The following IMMP1L variants were observed in gnomAD, a reference collection of about 807,000 sequenced individuals.
The protein encoded by IMMP1L is inner mitochondrial membrane peptidase subunit 1.
A neutral mutation model predicts 21.8 loss-of-function variants in IMMP1L; 24 were observed. That is an observed-to-expected ratio of 1.10 (90% CI 0.80 to 1.55). The LOEUF (loss-of-function observed/expected upper bound fraction) is 1.55, where lower values mean the gene tolerates loss of function less well. Ranked by LOEUF, IMMP1L falls within the 40% of genes most tolerant of loss-of-function variation. The pLI is 0.00. For missense variants in IMMP1L, 195 were observed against 200.7 expected (o/e 0.97, Z 0.17); for synonymous variants, 46 against 62.8 (o/e 0.73, Z 1.26).
chr11:31,491,498 G>C (rs771563953), intron 1 of IMMP1L, among the ~76,000 whole-genome samples: 4 of 152,230 alleles, frequency 2.6e-5, no homozygotes, highest in Non-Finnish European at 5.9e-5. Context: ...GTAGAACTTG[G>C]TAAGCAATTA....
At chr11:31,433,866 G>A (rs1174410484) in intron 4 of IMMP1L, 3 of 210,280 alleles carry the variant, frequency 1.4e-5, no homozygotes, top group African/African-American at 2.3e-5. Flanking sequence ...TAGTGTGACA[G>A]GGTCATTAAT....
intron 1 of IMMP1L, among the ~76,000 whole-genome samples, chr11:31,466,667 A>G (rs1038586487): frequency 6.6e-6 from 1 of 152,070 alleles, no homozygotes; most frequent in African/African-American, 2.4e-5. Context: ...CAGGAAGAAA[A>G]ATACCTTATG....
At chr11:31,465,151 T>C (rs1954288332) in intron 1 of IMMP1L, among the ~76,000 whole-genome samples, 1 of 151,980 alleles carries the variant, frequency 6.6e-6, no homozygotes, top group African/African-American at 2.4e-5. Context: ...AGGAATGATC[T>C]AGCTGAGTAA....
chr11:31,456,378 A>C lies in IMMP1L; in HGVS notation c.203T>G (p.Ile68Ser). Residue 68 changes from isoleucine to serine, a missense_variant, in exon 4 of 6, where the codon ATT becomes AGT. Ile to Ser is a moderately radical substitution (Grantham distance 142). Transcript: ENST00000532287. ...RHFYGIQRGD[I>S]VIAKSPSDPK... ...ATCACTTGGGCTTTTTGCAATCACA[A>C]TGTCACCTCTGAGGGGGAAAAGTCA... is the stretch of plus-strand genomic sequence containing the variant. 1 of 1,611,154 alleles carries C rather than the reference A, an allele frequency of 6.2e-7. No individual in the cohort carries two copies. Among genetic ancestry groups the C allele is most frequent in the Admixed American group, 1.7e-5 (1 of 59,944 alleles).
At chr11:31,480,729 G>A (rs1472778599) in intron 1 of IMMP1L, among the ~76,000 whole-genome samples, 1 of 151,592 alleles carries the variant, frequency 6.6e-6, no homozygotes, top group Non-Finnish European at 1.5e-5. Context: ...TCCTTTTCTG[G>A]TTACAAGTAT....
intron 1 of IMMP1L, among the ~76,000 whole-genome samples, chr11:31,501,764 G>A (rs954085520): frequency 2.0e-5 from 3 of 151,354 alleles, no homozygotes; most frequent in African/African-American, 7.3e-5. Flanking sequence ...GCCCAGCCTG[G>A]CCAAAACAGT....
chr11:31,441,993 A>G (rs549388264), intron 4 of IMMP1L, among the ~76,000 whole-genome samples: 4 of 152,344 alleles, frequency 2.6e-5, no homozygotes, highest in South Asian at 4.1e-4. Context: ...GAATGAATGC[A>G]TAAGACTGAA....
At chr11:31,436,457 G>A (rs1015480003) in intron 4 of IMMP1L, among the ~76,000 whole-genome samples, 1 of 152,098 alleles carries the variant, frequency 6.6e-6, no homozygotes, top group Non-Finnish European at 1.5e-5. Context: ...TTTTGAGACG[G>A]AGTCTTGCTC....
chr11:31,445,768 A>G (rs1303506895), intron 4 of IMMP1L, among the ~76,000 whole-genome samples: 2 of 150,696 alleles, frequency 1.3e-5, no homozygotes, highest in East Asian at 3.9e-4. Context: ...TCTATTGCCC[A>G]GGCTGGAGTG....
chr11:31,475,730 A>G lies in IMMP1L; in HGVS notation c.-29-12425T>C, dbSNP rs554257615. 2.6e-5 allele frequency among the ~76,000 whole-genome samples: 4 copies of G among 152,330 alleles called. No individual in the cohort carries two copies. In the South Asian group the frequency reaches 8.3e-4, roughly 32 times the overall value. On this transcript the variant is annotated intron_variant, in intron 1 of 5. Coordinates refer to ENST00000532287, the MANE Select transcript of IMMP1L (RefSeq NM_001304274.2). ...TTATAAGTTATCAACAGATATTAAA[A>G]TTCAAATAACCTGTATTTTTATGAA...
At chr11:31,486,484 C>A (rs764518166) in intron 1 of IMMP1L, among the ~76,000 whole-genome samples, 8 of 151,924 alleles carry the variant, frequency 5.3e-5, no homozygotes, top group Non-Finnish European at 1.2e-4. Context: ...TAAACTATCT[C>A]AAACTATATG....
chr11:31,432,603 G>C, intron 5 of IMMP1L, 35 bp from the exon 6 acceptor site: 1 of 1,381,024 alleles, frequency 7.2e-7, no homozygotes, highest in Non-Finnish European at 1.0e-6. Context: ...GACAATTAGT[G>C]AAAGTAATGT....
chr11:31,449,063 T>C (rs144545320), intron 4 of IMMP1L: 1 of 985,416 alleles, frequency 1.0e-6, no homozygotes, highest in Non-Finnish European at 1.2e-6. Flanking sequence ...GAGAAATGGA[T>C]GTGTAGCACA....
intron 4 of IMMP1L, among the ~76,000 whole-genome samples, chr11:31,449,898 C>T (rs1953681614): frequency 6.6e-6 from 1 of 152,110 alleles, no homozygotes; most frequent in African/African-American, 2.4e-5. Context: ...TTTCCTGTAA[C>T]AATAGCAAAA....
intron 4 of IMMP1L, among the ~76,000 whole-genome samples, chr11:31,450,197 A>G (rs1347667611): frequency 2.0e-5 from 3 of 152,236 alleles, no homozygotes; most frequent in Non-Finnish European, 4.4e-5. Flanking sequence ...TAGTAGTTCA[A>G]TATGTCCAAA....
chr11:31,433,440 T>C lies in IMMP1L; in HGVS notation c.432+20A>G, dbSNP rs1231059752. 2.0e-5 allele frequency: 28 copies of C among 1,386,196 alleles called. No individual in the cohort carries two copies. Among genetic ancestry groups the C allele is most frequent in the Non-Finnish European group, 2.7e-5 (27 of 997,278 alleles). The allele number at this position is 1,386,196 out of a possible 1,614,324, so 85.9% of individuals were successfully genotyped here. On this transcript the variant is annotated intron_variant, in intron 5 of 5. Transcript: ENST00000532287. Reference sequence around the variant, plus strand: ...TCTAGCTCAGAAAATAAACCTTACATTTTAAGCAGAAAATGGTACCTTAAA... The same window carrying C: ...TCTAGCTCAGAAAATAAACCTTACACTTTAAGCAGAAAATGGTACCTTAAA...
chr11:31,498,706 G>C lies in IMMP1L; in HGVS notation c.-30+10813C>G, dbSNP rs539757786. On this transcript the variant is annotated intron_variant, in intron 1 of 5. Coordinates refer to ENST00000532287, the MANE Select transcript of IMMP1L (RefSeq NM_001304274.2). The stretch of plus-strand genomic sequence containing the variant: ...AGAGTATGAATTCTGTAGTCAGACA[G>C]GCTAGCTCTATTGTGAATCCTAGAT... 5.9e-5 allele frequency among the ~76,000 whole-genome samples: 9 copies of C among 152,268 alleles called. No individual in the cohort carries two copies. In the South Asian group the frequency reaches 1.9e-3, roughly 32 times the overall value.
intron 1 of IMMP1L, among the ~76,000 whole-genome samples, chr11:31,495,536 G>T (rs530645319): frequency 1.3e-5 from 2 of 152,292 alleles, no homozygotes; most frequent in East Asian, 1.9e-4. Context: ...GGCTGGGAAG[G>T]CCTCGGGAAA....
At chr11:31,498,216 C>T (rs989792200) in intron 1 of IMMP1L, among the ~76,000 whole-genome samples, 2 of 152,082 alleles carry the variant, frequency 1.3e-5, no homozygotes, top group African/African-American at 4.8e-5. Flanking sequence ...TACCAAATGA[C>T]CTTTAATGTT....
Sources: gnomAD v4.1 joint callset for allele counts (sites outside exome capture counted in the v4.1 genomes callset) on GRCh38, gnomAD v4.1.1 for gene constraint, MANE v1.5 for transcripts, NCBI Gene and HGNC (gene_info 2026-07-23, HGNC 2026-07-21) for gene names.